CCSER1: variants seen among roughly 807,000 people sequenced by gnomAD.
The protein encoded by CCSER1 is serine-rich coiled-coil domain-containing protein 1.
Under a neutral mutation model 82.0 loss-of-function variants are expected in CCSER1, and 41 were observed. The observed-to-expected ratio is 0.50, with a 90% CI of 0.39 to 0.65. The LOEUF (loss-of-function observed/expected upper bound fraction) is 0.65. Ranked by LOEUF, CCSER1 falls within the 30% of genes least tolerant of loss-of-function variation. The probability of loss-of-function intolerance (pLI) is 0.00; values close to 1 mark genes in which losing one functional copy is unlikely to be tolerated. For missense variants in CCSER1, 1,119 were observed against 1,064.2 expected (o/e 1.05, Z -0.72); for synonymous variants, 414 against 383.9 (o/e 1.08, Z -0.92).
chr4:91,470,608 A>G (rs1757222958), intron 10 of CCSER1, among the ~76,000 whole-genome samples: 2 of 152,068 alleles, frequency 1.3e-5, no homozygotes, highest in African/African-American at 4.8e-5. Flanking sequence ...CAGCATATAG[A>G]CTTTTATCTC....
intron 6 of CCSER1, among the ~76,000 whole-genome samples, chr4:90,705,072 T>C (rs989716492): frequency 2.0e-5 from 3 of 152,200 alleles, no homozygotes; most frequent in African/African-American, 7.2e-5. Context: ...TTTTCAGCTT[T>C]TTTGCTCTGT....
intron 9 of CCSER1, among the ~76,000 whole-genome samples, chr4:90,933,392 T>A (rs1326556485): frequency 6.6e-6 from 1 of 151,878 alleles, no homozygotes; most frequent in Non-Finnish European, 1.5e-5. Flanking sequence ...TTTCACCGTG[T>A]TAGCCAGGAT....
intron 10 of CCSER1, among the ~76,000 whole-genome samples, chr4:91,272,007 A>C (rs950402637): frequency 2.0e-5 from 3 of 152,172 alleles, no homozygotes. Flanking sequence ...TTATCTACAC[A>C]TTGATTGACT....
intron 10 of CCSER1, among the ~76,000 whole-genome samples, chr4:91,222,460 T>C (rs964847585): frequency 6.6e-6 from 1 of 152,336 alleles, no homozygotes; most frequent in Non-Finnish European, 1.5e-5. Context: ...TAGTATTCTA[T>C]AAGAACTTAT....
chr4:91,596,886 T>C (rs1433031920), intron 10 of CCSER1, among the ~76,000 whole-genome samples: 1 of 151,752 alleles, frequency 6.6e-6, no homozygotes, highest in Non-Finnish European at 1.5e-5. Context: ...AAAGGAAAGA[T>C]GACATCACAG....
At chr4:91,383,329 AT>A (rs894310342) in intron 10 of CCSER1, among the ~76,000 whole-genome samples, 6 of 151,850 alleles carry the variant, frequency 4.0e-5, no homozygotes, top group Non-Finnish European at 7.4e-5. Context: ...TTTCCTAACC[AT>A]TTTTTCTTCA....
intron 1 of CCSER1, among the ~76,000 whole-genome samples, chr4:90,154,178 A>C (rs537296236): frequency 6.6e-6 from 1 of 151,904 alleles, no homozygotes; most frequent in Non-Finnish European, 1.5e-5. Context: ...GTCAAAGATC[A>C]GATAGTTTTA....
intron 1 of CCSER1, among the ~76,000 whole-genome samples, chr4:90,295,742 A>C (rs1208849218): frequency 2.0e-5 from 3 of 152,072 alleles, no homozygotes; most frequent in African/African-American, 7.2e-5. Flanking sequence ...TTAATGTATC[A>C]ATTAGTGCTC....
rs189577056 is a variant in CCSER1, at chr4:90,999,412, A to G, written c.2172+75965A>G. 3.9e-3 allele frequency among the ~76,000 whole-genome samples: 596 copies of G among 152,280 alleles called. 1 individual carries two copies. The highest frequency in any genetic ancestry group is 0.012 in the African/African-American group (513 of 41,554). On this transcript the variant is annotated intron_variant, in intron 9 of 10. Coordinates refer to ENST00000509176, the MANE Select transcript of CCSER1 (RefSeq NM_001145065.2). ...ACATCTGTTGTTTTTTAGCTTTTTA[A>G]TAATAGCCATTCTTACTGGTGTGAG...
intron 7 of CCSER1, among the ~76,000 whole-genome samples, chr4:90,801,625 A>G (rs1363421080): frequency 6.6e-6 from 1 of 152,218 alleles, no homozygotes; most frequent in African/African-American, 2.4e-5. Context: ...CATTTCTAAC[A>G]TACTGGCTTT....
At chr4:91,526,586 T>C (rs72884623) in intron 10 of CCSER1, among the ~76,000 whole-genome samples, 2,153 of 152,192 alleles carry the variant, frequency 0.014, 57 homozygotes, top group African/African-American at 0.049. Flanking sequence ...TCCACCCTTT[T>C]CTTCAGATCA....
chr4:90,244,182 T>G (rs926763781), intron 1 of CCSER1, among the ~76,000 whole-genome samples: 1 of 152,238 alleles, frequency 6.6e-6, no homozygotes, highest in Non-Finnish European at 1.5e-5. Context: ...TATTGTAGGT[T>G]AAACATCTGA....
At chr4:90,448,784 C>A (rs537455094) in intron 4 of CCSER1, among the ~76,000 whole-genome samples, 152 of 152,076 alleles carry the variant, frequency 1.0e-3, no homozygotes, top group African/African-American at 3.6e-3. Flanking sequence ...GGCTGCAGCT[C>A]TTCTCTCCTT....
At chr4:90,980,778 C>T (rs757273943) in intron 9 of CCSER1, among the ~76,000 whole-genome samples, 5 of 151,678 alleles carry the variant, frequency 3.3e-5, no homozygotes, top group African/African-American at 4.8e-5. Context: ...AAGGCCTGGA[C>T]CACATAGAAT....
chr4:90,940,540 G>A (rs898363502), intron 9 of CCSER1, among the ~76,000 whole-genome samples: 13 of 151,988 alleles, frequency 8.6e-5, no homozygotes, highest in African/African-American at 1.2e-4. Flanking sequence ...AGGGATTAAC[G>A]GGGATGTTGT....
intron 5 of CCSER1, among the ~76,000 whole-genome samples, chr4:90,586,319 A>C (rs543091888): frequency 6.6e-6 from 1 of 152,284 alleles, no homozygotes; most frequent in South Asian, 2.1e-4. Flanking sequence ...CCCTGGTGCC[A>C]AAAGATTGGG....
chr4:91,523,990 C>T (rs1198139658), intron 10 of CCSER1, among the ~76,000 whole-genome samples: 2 of 152,162 alleles, frequency 1.3e-5, no homozygotes, highest in African/African-American at 4.8e-5. Context: ...TATTGAACAA[C>T]AACAAATCTA....
At chr4:90,647,948 C>T (rs1727882835) in intron 6 of CCSER1, among the ~76,000 whole-genome samples, 1 of 152,008 alleles carries the variant, frequency 6.6e-6, no homozygotes, top group Admixed American at 6.6e-5. Context: ...CTTAACATCT[C>T]AGTGGGGAGA....
At chr4:90,871,141 G>C (rs537559365) in intron 8 of CCSER1, among the ~76,000 whole-genome samples, 36 of 148,594 alleles carry the variant, frequency 2.4e-4, no homozygotes, top group African/African-American at 8.9e-4. Context: ...TCATTTTGTT[G>C]ATCTTTTGTA....
Sources: gnomAD v4.1 joint callset for allele counts (sites outside exome capture counted in the v4.1 genomes callset) on GRCh38, gnomAD v4.1.1 for gene constraint, MANE v1.5 for transcripts, NCBI Gene and HGNC (gene_info 2026-07-23, HGNC 2026-07-21) for gene names.